ZNF667: variants seen among roughly 807,000 people sequenced by gnomAD.
ZNF667 encodes myocardial ischemic preconditioning upregulated 1 ortholog.
ZNF667 carries 13 observed loss-of-function variants against 31.8 expected under a neutral mutation model. The observed-to-expected ratio is 0.41, with a 90% CI of 0.27 to 0.65. The LOEUF is 0.65. Ranked by LOEUF, ZNF667 falls within the 30% of genes least tolerant of loss-of-function variation. ZNF667 has a pLI of 0.32. For synonymous variants in ZNF667, 228 were observed against 247.1 expected, an observed-to-expected ratio of 0.92 and a Z score of 0.73; for missense variants, 642 against 725.6, an observed-to-expected ratio of 0.88 and a Z score of 1.32.
At chr19:56,450,001 A>G (rs1374150819) in intron 6 of ZNF667, among the ~76,000 whole-genome samples, 1 of 151,870 alleles carries the variant, frequency 6.6e-6, no homozygotes, top group East Asian at 1.9e-4. Flanking sequence ...CCAAAAGGGC[A>G]TATCTAGGAG....
chr19:56,443,601 T>C (rs532286728), intron 6 of ZNF667, among the ~76,000 whole-genome samples: 3 of 152,284 alleles, frequency 2.0e-5, no homozygotes, highest in Admixed American at 2.0e-4. Context: ...AAAGGTACAG[T>C]ACAAATAACA....
intron 1 of ZNF667, chr19:56,476,775 T>C (rs2043418358): frequency 6.6e-6 from 1 of 152,530 alleles, no homozygotes; most frequent in Non-Finnish European, 1.5e-5. Flanking sequence ...GCAAAGCCAC[T>C]GACGCTAAGT....
intron 6 of ZNF667, 44 bp downstream of exon 6, chr19:56,458,111 G>T: frequency 6.6e-7 from 1 of 1,523,752 alleles, no homozygotes; most frequent in Non-Finnish European, 9.1e-7. Context: ...TGTTATAGCA[G>T]CCCCAGTAGA....
rs200787332 is a variant in ZNF667 at position 56,448,750 on chromosome 19, G to A, written c.254-6009C>T. Among the ~76,000 whole-genome samples the A allele has an allele frequency of 9.2e-5, 14 of 152,242 alleles. No individual in the cohort carries two copies. In the East Asian group the frequency reaches 2.7e-3, roughly 29 times the overall value. ...AGAAGGCAACTCGCTGCCCTAAAGG[G>A]AAAAACAGGCCTGGAAGAATTTACC... On this transcript the variant is annotated intron_variant, in intron 6 of 6. Transcript: ENST00000504904.
chr19:56,476,898 G>C (rs1368746230), intron 1 of ZNF667: 1 of 153,110 alleles, frequency 6.5e-6, no homozygotes, highest in Non-Finnish European at 1.5e-5. Flanking sequence ...TTCACAGTCA[G>C]CGTCACACAC....
intron 6 of ZNF667, among the ~76,000 whole-genome samples, chr19:56,455,922 G>A (rs1302232156): frequency 6.6e-6 from 1 of 152,046 alleles, no homozygotes; most frequent in Non-Finnish European, 1.5e-5. Flanking sequence ...AAAAATTAAA[G>A]AGAAAAAAAT....
chr19:56,453,699 G>A (rs948185870), intron 6 of ZNF667, among the ~76,000 whole-genome samples: 4 of 152,104 alleles, frequency 2.6e-5, no homozygotes, highest in Admixed American at 1.3e-4. Flanking sequence ...AATAAAAGCC[G>A]TATATGACAG....
At chr19:56,453,410 T>C (rs2042873902) in intron 6 of ZNF667, among the ~76,000 whole-genome samples, 2 of 151,808 alleles carry the variant, frequency 1.3e-5, no homozygotes, top group Admixed American at 6.6e-5. Flanking sequence ...CAAGGACACA[T>C]CAAAAAAAGA....
At chr19:56,450,219 G>A (rs1262904218) in intron 6 of ZNF667, among the ~76,000 whole-genome samples, 1 of 152,088 alleles carries the variant, frequency 6.6e-6, no homozygotes, top group Non-Finnish European at 1.5e-5. Context: ...CCTAAAAGCA[G>A]CAAGAGAAAA....
chr19:56,473,900 A>G (rs2043345809), intron 2 of ZNF667, 112 bp downstream of exon 2: 1 of 152,246 alleles, frequency 6.6e-6, no homozygotes, highest in Non-Finnish European at 1.5e-5. Flanking sequence ...GAACCAGGTT[A>G]TATGTGTGAG....
Position 56,471,747 on chromosome 19 carries a change from T to C in ZNF667, c.-108A>G, listed in dbSNP as rs1213894266. 1.3e-5 allele frequency: 2 copies of C among 152,158 alleles called. No individual in the cohort carries two copies. Among genetic ancestry groups the C allele is most frequent in the Admixed American group, 6.5e-5 (1 of 15,280 alleles). The allele number at this position is 152,158 out of a possible 1,614,324, so 9.4% of individuals were successfully genotyped here. On this transcript the variant is annotated 5_prime_UTR_variant, in exon 3 of 7. Transcript: ENST00000504904. ...TCCCCTTCCAATTACTTAGGTAAAA[T>C]GACTTGTTCCAGGAAGTTGTAATGC...
chr19:56,452,152 G>C (rs1415016404), intron 6 of ZNF667, among the ~76,000 whole-genome samples: 1 of 151,386 alleles, frequency 6.6e-6, no homozygotes, highest in Admixed American at 6.6e-5. Flanking sequence ...GGGTTCAAGC[G>C]ATTCTCCTGC....
chr19:56,451,127 G>A (rs2042813126), intron 6 of ZNF667, among the ~76,000 whole-genome samples: 1 of 151,730 alleles, frequency 6.6e-6, no homozygotes, highest in African/African-American at 2.4e-5. Flanking sequence ...TAAAAATAAA[G>A]GGAGGGAAAA....
At chr19:56,462,459 T>G (rs753359939) in intron 3 of ZNF667, 30 bp from the exon 4 acceptor site, 1 of 1,506,872 alleles carries the variant, frequency 6.6e-7, no homozygotes, top group Admixed American at 1.7e-5. Context: ...CATGAGGCAG[T>G]GCCAGAGTCC....
At chr19:56,443,109 G>A (rs1350513376) in intron 6 of ZNF667, among the ~76,000 whole-genome samples, 4 of 152,222 alleles carry the variant, frequency 2.6e-5, no homozygotes. Flanking sequence ...GGGGCTCAAG[G>A]TAGGAATGGG....
rs1450847891 is a variant in ZNF667 at position 56,441,537 on chromosome 19, G to A, written c.1458C>T (p.Leu486=). ...CAGTATGAATTCTCTTATGTCGTGT[G>A]AGAGATATTCGGTGGCTGAAGGCTT... is the stretch of plus-strand genomic sequence containing the variant. ...CGKAFSHRIS[L]TRHKRIHTED... The change falls in exon 7 of 7, where the codon CTC becomes CTT. Residue 486 remains leucine (L), a synonymous_variant. Coordinates refer to ENST00000504904, the MANE Select transcript of ZNF667 (RefSeq NM_001321356.2). The surrounding 1 kb of genome is among the most constrained non-coding windows in gnomAD (Gnocchi z 4.2). 4 of 1,614,100 alleles carry A rather than the reference G, an allele frequency of 2.5e-6. No homozygotes were observed. The Admixed American group carries it at 5.0e-5, about 20-fold the overall frequency.
intron 3 of ZNF667, among the ~76,000 whole-genome samples, chr19:56,463,489 C>T (rs751029720): frequency 2.0e-5 from 3 of 152,104 alleles, no homozygotes; most frequent in South Asian, 2.1e-4. Flanking sequence ...AAACTGAGCA[C>T]GGGAAATAAA....
intron 4 of ZNF667, 105 bp downstream of exon 4, chr19:56,462,233 G>T: frequency 7.0e-7 from 1 of 1,422,100 alleles, no homozygotes; most frequent in Non-Finnish European, 9.9e-7. Flanking sequence ...CTAGGTGTTG[G>T]ATGGATCTCC....
intron 3 of ZNF667, among the ~76,000 whole-genome samples, chr19:56,463,814 C>T (rs550554401): frequency 6.6e-6 from 1 of 152,302 alleles, no homozygotes; most frequent in African/African-American, 2.4e-5. Flanking sequence ...ACATGAGCAA[C>T]TGTGCCCAGC....
Sources: gnomAD v4.1 joint callset for allele counts (sites outside exome capture counted in the v4.1 genomes callset) on GRCh38, gnomAD v4.1.1 for gene constraint, Gnocchi (gnomAD v3.1) non-coding constraint, MANE v1.5 for transcripts, NCBI Gene and HGNC (gene_info 2026-07-23, HGNC 2026-07-21) for gene names.